Variants in PCDHGB6 observed in about 807,000 individuals in gnomAD.
PCDHGB6 encodes the protein protocadherin gamma subfamily B, 6.
Under a neutral mutation model 59.1 loss-of-function variants are expected in PCDHGB6, and 51 were observed. The ratio of observed to expected loss-of-function variants is 0.86; its 90% CI spans 0.69 to 1.09. The LOEUF is 1.09. Ranked by LOEUF, PCDHGB6 falls within the 50% of genes least tolerant of loss-of-function variation. The probability of loss-of-function intolerance (pLI) is 0.00; values close to 1 mark genes in which losing one functional copy is unlikely to be tolerated. For missense variants in PCDHGB6, 1,148 were observed against 1,205.1 expected (o/e 0.95, Z 0.70); for synonymous variants, 466 against 495.1 (o/e 0.94, Z 0.78).
intron 1 of PCDHGB6, chr5:141,433,010 C>A (rs1392666523): frequency 6.2e-7 from 1 of 1,614,178 alleles, no homozygotes. Flanking sequence ...GGCTTTCCTG[C>A]AGACCTATTC....
At chr5:141,419,034 T>C in intron 1 of PCDHGB6, 1 of 1,613,902 alleles carries the variant, frequency 6.2e-7, no homozygotes, top group Non-Finnish European at 8.5e-7. Flanking sequence ...GGTGTTCCAT[T>C]TAAGATTCAT....
Position 141,477,920 on chromosome 5 carries a change from C to A in PCDHGB6, c.2419-16887C>A, listed in dbSNP as rs755219711. ...GGTAGGCTGGGACGCGGATGCAGGGCACAATGCCTGGCTCTCCTACAGTCT... is the reference window on the plus strand; with the variant it reads ...GGTAGGCTGGGACGCGGATGCAGGGAACAATGCCTGGCTCTCCTACAGTCT... On this transcript the variant is annotated intron_variant, in intron 1 of 3. Transcript: ENST00000520790. The surrounding 1 kb of genome is among the most constrained non-coding windows in gnomAD (Gnocchi z 4.9). The A allele has an allele frequency of 6.2e-7, 1 of 1,614,180 alleles. No individual in the cohort carries two copies. The highest frequency in any genetic ancestry group is 8.5e-7 in the Non-Finnish European group (1 of 1,180,038).
At position 141,485,848 on chromosome 5, in the gene PCDHGB6, C is replaced by G. The variant is rs1416763615; in HGVS notation, c.2419-8959C>G. 1.9e-6 allele frequency: 3 copies of G among 1,614,076 alleles called. No individual in the cohort carries two copies. The highest frequency in any genetic ancestry group is 1.1e-5 in the South Asian group (1 of 91,084). On this transcript the variant is annotated intron_variant, in intron 1 of 3. Coordinates refer to ENST00000520790, the MANE Select transcript of PCDHGB6 (RefSeq NM_018926.3). This position sits in a 1 kb window ranked among gnomAD's most constrained non-coding sequence, Gnocchi z 5.7. The stretch of plus-strand genomic sequence containing the variant: ...GAGGGAACCCGCCGAGATCTGGCAC[C>G]GCAGAGCTCCGGGTATCCGTGCTGG...
chr5:141,431,071 A>G lies in PCDHGB6; in HGVS notation c.2418+20451A>G. The G allele has an allele frequency of 6.2e-7, 1 of 1,614,244 alleles. No homozygotes were observed. On this transcript the variant is annotated intron_variant, in intron 1 of 3. Coordinates refer to ENST00000520790, the MANE Select transcript of PCDHGB6 (RefSeq NM_018926.3). The surrounding 1 kb of genome is among the most constrained non-coding windows in gnomAD (Gnocchi z 4.8). ...GTATGGGGGCCATCAAGTGTCAATTAAATCTAGACATTCTGATGGAGGATA... is the reference window on the plus strand; with the variant it reads ...GTATGGGGGCCATCAAGTGTCAATTGAATCTAGACATTCTGATGGAGGATA...
chr5:141,490,566 C>T lies in PCDHGB6; in HGVS notation c.2419-4241C>T. 3 of 1,614,132 alleles carry T rather than the reference C, an allele frequency of 1.9e-6. No homozygotes were observed. Among genetic ancestry groups the T allele is most frequent in the Non-Finnish European group, 2.5e-6 (3 of 1,180,028 alleles). On this transcript the variant is annotated intron_variant, in intron 1 of 3. Transcript: ENST00000520790. This position sits in a 1 kb window ranked among gnomAD's most constrained non-coding sequence, Gnocchi z 5.4. ...TACACAAACATCTCACCATCAGGCT[C>T]AACATTTCAGATGTCAATGACAATG...
Position 141,409,356 on chromosome 5 carries a change from A to G in PCDHGB6, c.1154A>G (p.Asn385Ser). Residue 385 changes from asparagine (N) to serine (S), a missense_variant, in exon 1 of 4, where the codon AAT becomes AGT. Coordinates refer to ENST00000520790, the MANE Select transcript of PCDHGB6 (RefSeq NM_018926.3). ...DFGGNGEVRC[N>S]IETDIPFKIY... ...GGAGGAAATGGAGAAGTCAGGTGTA[A>G]TATAGAAACAGACATTCCATTCAAG... 6.2e-7 allele frequency: 1 copy of G among 1,614,004 alleles called. No individual in the cohort carries two copies. The highest frequency in any genetic ancestry group is 8.5e-7 in the Non-Finnish European group (1 of 1,179,892).
intron 1 of PCDHGB6, chr5:141,418,495 G>T (rs745982190): frequency 6.2e-7 from 1 of 1,613,974 alleles, no homozygotes; most frequent in South Asian, 1.1e-5. Context: ...ACTTGGTACT[G>T]ACCGCCTTAG....
Position 141,462,764 on chromosome 5 carries a change from G to C in PCDHGB6, c.2419-32043G>C, listed in dbSNP as rs150842317. Among the ~76,000 whole-genome samples, 589 of 152,084 alleles carry C rather than the reference G, an allele frequency of 3.9e-3. 5 individuals are homozygous for C. Among genetic ancestry groups the C allele is most frequent in the Admixed American group, 0.011 (169 of 15,274 alleles). ...AATTCCTATGATGATTTTCTTCCTG[G>C]CTTGGGGTCATAATTTGTTGCTTAT... On this transcript the variant is annotated intron_variant, in intron 1 of 3. Transcript: ENST00000520790.
intron 1 of PCDHGB6, chr5:141,475,956 G>T (rs2099382674): frequency 2.5e-6 from 2 of 805,186 alleles, no homozygotes; most frequent in South Asian, 1.9e-5. Flanking sequence ...TCTGCGCCCC[G>T]GGATGAGGCA....
chr5:141,412,131 G>A (rs2095537626), intron 1 of PCDHGB6: 1 of 152,156 alleles, frequency 6.6e-6, no homozygotes, highest in Non-Finnish European at 1.5e-5. Flanking sequence ...CTGGACTTTG[G>A]CCTCTGATAC....
chr5:141,489,257 T>C lies in PCDHGB6; in HGVS notation c.2419-5550T>C, dbSNP rs2099684606. 5.8e-6 allele frequency: 9 copies of C among 1,550,190 alleles called. No homozygotes were observed. The highest frequency in any genetic ancestry group is 1.4e-5 in the African/African-American group (1 of 73,054). On this transcript the variant is annotated intron_variant, in intron 1 of 3. Transcript: ENST00000520790. This position sits in a 1 kb window ranked among gnomAD's most constrained non-coding sequence, Gnocchi z 4.5. Reference sequence around the variant, plus strand: ...TTCTGGGTCATGGGGCCCAAGACACTCCCACAGCTCGCTGGGAAATGGCAA... The same window carrying C: ...TTCTGGGTCATGGGGCCCAAGACACCCCCACAGCTCGCTGGGAAATGGCAA...
At chr5:141,494,190 G>GAGAA (rs2099752701) in intron 1 of PCDHGB6, among the ~76,000 whole-genome samples, 1 of 152,186 alleles carries the variant, frequency 6.6e-6, no homozygotes, top group Non-Finnish European at 1.5e-5. Flanking sequence ...CCCGGGACTT[G>GAGAA]GATGCCCCGC....
Position 141,476,187 on chromosome 5 carries a change from G to A in PCDHGB6, c.2419-18620G>A. 6.2e-7 allele frequency: 1 copy of A among 1,613,782 alleles called. No individual in the cohort carries two copies. The highest frequency in any genetic ancestry group is 1.1e-5 in the South Asian group (1 of 91,072). ...GTAGTGGGAGTTTTGCTTCTGCTTG[G>A]TGCCTTGAACAAGGCTTCCACGGTC... On this transcript the variant is annotated intron_variant, in intron 1 of 3. Coordinates refer to ENST00000520790, the MANE Select transcript of PCDHGB6 (RefSeq NM_018926.3). This position sits in a 1 kb window ranked among gnomAD's most constrained non-coding sequence, Gnocchi z 7.6.
chr5:141,464,578 A>G (rs2099086989), intron 1 of PCDHGB6, among the ~76,000 whole-genome samples: 1 of 152,164 alleles, frequency 6.6e-6, no homozygotes, highest in Non-Finnish European at 1.5e-5. Flanking sequence ...ATAGATGAGA[A>G]TGTCCATTGT....
chr5:141,408,836 T>G lies in PCDHGB6; in HGVS notation c.634T>G (p.Leu212Val). Reference protein sequence around the residue: ...REEQRSHSLILTALDGGDPPR... With the variant: ...REEQRSHSLIVTALDGGDPPR... Reference sequence around the variant, plus strand: ...AGAACAGAGATCTCATAGCTTGATATTGACTGCCTTGGACGGAGGGGACCC... The same window carrying G: ...AGAACAGAGATCTCATAGCTTGATAGTGACTGCCTTGGACGGAGGGGACCC... Residue 212 changes from leucine to valine, a missense_variant, in exon 1 of 4, where the codon TTG (leucine) becomes GTG (valine). Coordinates refer to ENST00000520790, the MANE Select transcript of PCDHGB6 (RefSeq NM_018926.3). 6.2e-7 allele frequency: 1 copy of G among 1,613,680 alleles called. No homozygotes were observed. The highest frequency in any genetic ancestry group is 8.5e-7 in the Non-Finnish European group (1 of 1,179,794).
intron 1 of PCDHGB6, chr5:141,422,116 T>A (rs753281558): frequency 2.5e-6 from 4 of 1,604,730 alleles, no homozygotes; most frequent in Non-Finnish European, 3.4e-6. Context: ...CCAATTGGAT[T>A]CACAAACTGG....
chr5:141,489,284 T>A lies in PCDHGB6; in HGVS notation c.2419-5523T>A. On this transcript the variant is annotated intron_variant, in intron 1 of 3. Transcript: ENST00000520790. This position sits in a 1 kb window ranked among gnomAD's most constrained non-coding sequence, Gnocchi z 4.5. ...CCACAGCTCGCTGGGAAATGGCAAG[T>A]GCTGTGCATGTTGTCCTTGTGCTGC... The A allele has an allele frequency of 6.4e-7, 1 of 1,570,016 alleles. No homozygotes were observed. The highest frequency in any genetic ancestry group is 2.2e-5 in the East Asian group (1 of 44,588).
At chr5:141,457,111 G>T (rs922281700) in intron 1 of PCDHGB6, among the ~76,000 whole-genome samples, 1 of 152,120 alleles carries the variant, frequency 6.6e-6, no homozygotes, top group African/African-American at 2.4e-5. Context: ...AGCAAAATAC[G>T]ACAGCAATGG....
At chr5:141,444,621 G>A (rs1265458898) in intron 1 of PCDHGB6, among the ~76,000 whole-genome samples, 1 of 152,132 alleles carries the variant, frequency 6.6e-6, no homozygotes, top group Non-Finnish European at 1.5e-5. Flanking sequence ...CATGTGGCAT[G>A]ATGCACCAGT....
Sources: allele counts gnomAD v4.1 joint callset (sites outside exome capture counted in the v4.1 genomes callset), GRCh38; gene constraint gnomAD v4.1.1; non-coding constraint Gnocchi (gnomAD v3.1); transcripts MANE v1.5; gene names NCBI Gene and HGNC (gene_info 2026-07-23, HGNC 2026-07-21).